Variants in DMD observed in about 807,000 individuals in gnomAD.
The protein encoded by DMD is mutant dystrophin.
In DMD, 63 loss-of-function variants were observed where a neutral mutation model predicts 330.1. The ratio of observed to expected loss-of-function variants is 0.19; its 90% CI spans 0.16 to 0.24. The LOEUF (loss-of-function observed/expected upper bound fraction) is 0.24, where lower values mean the gene tolerates loss of function less well. Ranked by LOEUF, DMD falls within the 10% of genes least tolerant of loss-of-function variation. The pLI, the probability that DMD is intolerant of heterozygous loss-of-function variation, is 1.00. For missense variants in DMD, 3,344 were observed against 2,684.1 expected (o/e 1.25, Z -5.43); for synonymous variants, 1,223 against 959.8 (o/e 1.27, Z -5.07).
intron 57 of DMD, among the ~76,000 whole-genome samples, chrX:31,480,678 CTGTT>C (rs1466255091): frequency 9.2e-6 from 1 of 108,353 alleles, no homozygotes; most frequent in Non-Finnish European, 1.9e-5. Flanking sequence ...CCTAGTTTCT[CTGTT>C]TGGACCTGAA....
chrX:32,686,045 G>A (rs148174819), intron 9 of DMD, among the ~76,000 whole-genome samples: 1 of 111,495 alleles, frequency 9.0e-6, no homozygotes, highest in Admixed American at 9.6e-5. Context: ...GTAGATTTGA[G>A]ACCCACATGG....
At chrX:32,665,319 C>A (rs779415353) in intron 9 of DMD, among the ~76,000 whole-genome samples, 4 of 110,453 alleles carry the variant, frequency 3.6e-5, no homozygotes, top group African/African-American at 1.3e-4. Context: ...TTTTCTGTAC[C>A]ACTGAACCTT....
chrX:32,800,027 T>A (rs1032111390), intron 7 of DMD, among the ~76,000 whole-genome samples: 22 of 111,755 alleles, frequency 2.0e-4, no homozygotes, highest in Non-Finnish European at 3.8e-4. Context: ...AGCAATTCTA[T>A]CAACAAAGCT....
rs1057515862 is a variant in DMD at position 31,121,108 on chromosome X, A to ATGAC, written c.*807_*810dup. ...TTCTAGACCAAGCAGGTAAGCCTGG[A>ATGAC]TGACTGACTAGAAGTAATTTCTTTC... is the stretch of plus-strand genomic sequence containing the variant. On this transcript the variant is annotated 3_prime_UTR_variant, in exon 79 of 79. Transcript: ENST00000357033. 2.1e-4 allele frequency: 23 copies of ATGAC among 112,181 alleles called. No homozygotes were observed. The highest frequency in any genetic ancestry group is 6.5e-4 in the African/African-American group (20 of 30,811). 9.2% of individuals were successfully genotyped at this position (112,181 alleles called of 1,213,427 possible).
At chrX:31,340,049 T>TTA (rs2057640557) in intron 61 of DMD, among the ~76,000 whole-genome samples, 1 of 112,267 alleles carries the variant, frequency 8.9e-6, no homozygotes, top group Admixed American at 9.4e-5. Flanking sequence ...TAAGTGTGTA[T>TTA]GTGTAGTGGG....
intron 71 of DMD, among the ~76,000 whole-genome samples, chrX:31,176,255 C>G (rs1281206040): frequency 9.0e-6 from 1 of 111,580 alleles, no homozygotes; most frequent in Non-Finnish European, 1.9e-5. Context: ...TCTGAATAAT[C>G]TAACCAACTC....
chrX:32,696,315 G>A (rs751734121), intron 9 of DMD, among the ~76,000 whole-genome samples: 1 of 111,989 alleles, frequency 8.9e-6, no homozygotes, highest in East Asian at 2.8e-4. Context: ...CTAACTACAT[G>A]TAACATCATC....
chrX:32,233,654 C>A (rs193208249), intron 43 of DMD, among the ~76,000 whole-genome samples: 69 of 92,140 alleles, frequency 7.5e-4, no homozygotes, highest in African/African-American at 2.7e-3. Context: ...TTTATTGAGA[C>A]GGAGCTTCGC....
At position 31,261,032 on chromosome X, in the gene DMD, TAAAG is replaced by T. The variant is rs2050458890; in HGVS notation, c.9225-20_9225-17del. On this transcript the variant is annotated splice_polypyrimidine_tract_variant and intron_variant, in intron 62 of 78. Coordinates refer to ENST00000357033, the MANE Select transcript of DMD (RefSeq NM_004006.3). ...AGTCTCGTGGCTAAAACACAAAACATAAAGAAAGACTTTAGCATTTACAATGAGT... is the reference window on the plus strand; with the variant it reads ...AGTCTCGTGGCTAAAACACAAAACATAAAGACTTTAGCATTTACAATGAGT... 2 of 1,199,265 alleles carry T rather than the reference TAAAG, an allele frequency of 1.7e-6. No individual in the cohort carries two copies. The highest frequency in any genetic ancestry group is 1.8e-5 in the South Asian group (1 of 56,367).
chrX:33,249,371 G>C (rs1004378545), intron 1 of DMD, among the ~76,000 whole-genome samples: 1 of 111,207 alleles, frequency 9.0e-6, no homozygotes, highest in Non-Finnish European at 1.9e-5. Flanking sequence ...GGCTGGTCTC[G>C]AACTCCTGAC....
At chrX:32,953,433 A>C (rs1379588826) in intron 2 of DMD, among the ~76,000 whole-genome samples, 4 of 112,029 alleles carry the variant, frequency 3.6e-5, no homozygotes, top group Non-Finnish European at 7.5e-5. Context: ...GATGAAAGTG[A>C]ATGATTCTTT....
Position 31,121,746 on chromosome X carries a change from T to TTTA in DMD, c.*170_*172dup. The TTTA allele has an allele frequency of 1.4e-6, 1 of 720,579 alleles. No homozygotes were observed. The highest frequency in any genetic ancestry group is 3.3e-5 in the East Asian group (1 of 30,442). The allele number at this position is 720,579 out of a possible 1,213,427, so 59.4% of individuals were successfully genotyped here. The stretch of plus-strand genomic sequence containing the variant: ...CCACTACCCTTCACAAAAATATAGA[T>TTTA]TTATTTCTTGTAAACTCTTACTGTC... On this transcript the variant is annotated 3_prime_UTR_variant, in exon 79 of 79. Coordinates refer to ENST00000357033, the MANE Select transcript of DMD (RefSeq NM_004006.3).
chrX:32,366,235 TGACA>T (rs1041565919), intron 34 of DMD, among the ~76,000 whole-genome samples: 7 of 112,286 alleles, frequency 6.2e-5, no homozygotes, highest in Non-Finnish European at 9.4e-5. Context: ...ATGGCACGGC[TGACA>T]GACAATGTGG....
chrX:31,809,098 TA>T (rs1232039023), intron 50 of DMD, among the ~76,000 whole-genome samples: 1 of 107,484 alleles, frequency 9.3e-6, no homozygotes, highest in African/African-American at 3.3e-5. Flanking sequence ...CATATATACA[TA>T]TAAAATCTCT....
At chrX:32,001,116 A>G (rs2095623468) in intron 44 of DMD, among the ~76,000 whole-genome samples, 1 of 111,507 alleles carries the variant, frequency 9.0e-6, no homozygotes. Context: ...GTGGGGCAGG[A>G]GACTGACTGC....
At chrX:32,474,074 C>A (rs759653378) in intron 21 of DMD, among the ~76,000 whole-genome samples, 23 of 110,998 alleles carry the variant, frequency 2.1e-4, no homozygotes, top group Non-Finnish European at 3.6e-4. Flanking sequence ...TGAGAACATA[C>A]AATGTTTGGT....
In DMD at chrX:32,411,886, G is replaced by C; in HGVS notation, c.4099C>G (p.Gln1367Glu). 8.3e-7 allele frequency: 1 copy of C among 1,210,868 alleles called. No individual in the cohort carries two copies. The highest frequency in any genetic ancestry group is 1.8e-5 in the South Asian group (1 of 56,967). ...GTCTCCTGGGCAGACTGGATGCTCT[G>C]TTCAAGCAACTTTTGCCTCCTTACA... ...EAVRRQKLLE[Q>E]SIQSAQETEK... The change falls in exon 30 of 79, where the codon CAG becomes GAG. Residue 1367 changes from glutamine (Q) to glutamate (E), a missense_variant. Gln to Glu is a conservative substitution (Grantham distance 29, BLOSUM62 2). Transcript: ENST00000357033.
At chrX:31,967,930 A>G (rs2095366321) in intron 45 of DMD, among the ~76,000 whole-genome samples, 1 of 111,761 alleles carries the variant, frequency 8.9e-6, no homozygotes, top group Admixed American at 9.5e-5. Flanking sequence ...CACTTTTTTT[A>G]GCTTCATAGT....
chrX:32,562,355 C>T (rs897243449), intron 16 of DMD, among the ~76,000 whole-genome samples: 8 of 112,538 alleles, frequency 7.1e-5, no homozygotes, highest in Non-Finnish European at 1.1e-4. Flanking sequence ...TATTTTTTCA[C>T]GTTTTGATCT....
Sources: allele counts gnomAD v4.1 joint callset (sites outside exome capture counted in the v4.1 genomes callset), GRCh38; gene constraint gnomAD v4.1.1; transcripts MANE v1.5; gene names NCBI Gene and HGNC (gene_info 2026-07-23, HGNC 2026-07-21).